CDK8: variants seen among roughly 807,000 people sequenced by gnomAD.
CDK8 encodes cyclin-dependent kinase 8.
A neutral mutation model predicts 71.5 loss-of-function variants in CDK8; 29 were observed. The ratio of observed to expected loss-of-function variants is 0.41; its 90% CI spans 0.30 to 0.55. The LOEUF is 0.55. Ranked by LOEUF, CDK8 falls within the 20% of genes least tolerant of loss-of-function variation. The pLI is 0.37. For missense variants in CDK8, 288 were observed against 572.6 expected (o/e 0.50, Z 5.07); for synonymous variants, 161 against 192.1 (o/e 0.84, Z 1.34).
At chr13:26,305,566 T>C (rs1484018216) in intron 1 of CDK8, among the ~76,000 whole-genome samples, 2 of 152,206 alleles carry the variant, frequency 1.3e-5, no homozygotes, top group Non-Finnish European at 2.9e-5. Flanking sequence ...CTCTCTCTTT[T>C]TGGGATTCAA....
At chr13:26,286,275 A>G (rs531633079) in intron 1 of CDK8, among the ~76,000 whole-genome samples, 2 of 152,380 alleles carry the variant, frequency 1.3e-5, no homozygotes, top group East Asian at 1.9e-4. Flanking sequence ...CTACAAGGCT[A>G]TAGTTACCAA....
intron 1 of CDK8, among the ~76,000 whole-genome samples, chr13:26,324,490 A>C (rs1476639778): frequency 6.6e-6 from 1 of 152,200 alleles, no homozygotes; most frequent in Non-Finnish European, 1.5e-5. Flanking sequence ...GTATAACATG[A>C]ACACTTCAGA....
chr13:26,376,323 C>A (rs766164636), intron 4 of CDK8, among the ~76,000 whole-genome samples: 2 of 152,072 alleles, frequency 1.3e-5, no homozygotes, highest in Non-Finnish European at 2.9e-5. Context: ...TGCATTTGGT[C>A]TCCTTGATGT....
At chr13:26,268,673 G>A (rs1490350856) in intron 1 of CDK8, among the ~76,000 whole-genome samples, 1 of 151,992 alleles carries the variant, frequency 6.6e-6, no homozygotes, top group East Asian at 1.9e-4. Flanking sequence ...AAAAAAACTC[G>A]AGAGCCATAT....
intron 6 of CDK8, among the ~76,000 whole-genome samples, 176 bp from the exon 7 acceptor site, chr13:26,393,184 GGTATTTA>G (rs1875830980): frequency 6.6e-6 from 1 of 151,740 alleles, no homozygotes; most frequent in South Asian, 2.1e-4. Flanking sequence ...AATGTTTCAT[GGTATTTA>G]GTAATTATAA....
chr13:26,402,471 A>C (rs547077343), intron 12 of CDK8, among the ~76,000 whole-genome samples: 78 of 152,132 alleles, frequency 5.1e-4, no homozygotes, highest in South Asian at 1.5e-3. Context: ...TTTACACACA[A>C]AAAAAAAGAG....
At chr13:26,299,297 C>T (rs1873710731) in intron 1 of CDK8, among the ~76,000 whole-genome samples, 1 of 152,092 alleles carries the variant, frequency 6.6e-6, no homozygotes, top group South Asian at 2.1e-4. Flanking sequence ...GTGAGTTAAC[C>T]ATGGAGATAT....
At chr13:26,393,221 A>T in intron 6 of CDK8, 146 bp from the exon 7 acceptor site, 1 of 569,230 alleles carries the variant, frequency 1.8e-6, no homozygotes. Context: ...AATTAATATG[A>T]GTTATTAGGG....
Position 26,254,863 on chromosome 13 carries a change from C to T in CDK8, c.128+94C>T, listed in dbSNP as rs145088095. ...GAGGGAGAGCGGGCCGCCGGGGTGC[C>T]GGGCTCTGACTTCCTCGACGCCGGC... is the stretch of plus-strand genomic sequence containing the variant. On this transcript the variant is annotated intron_variant, in intron 1 of 12. Transcript: ENST00000381527. The surrounding 1 kb of genome is among the most constrained non-coding windows in gnomAD (Gnocchi z 6.7). 2.3e-5 allele frequency: 35 copies of T among 1,519,890 alleles called. No individual in the cohort carries two copies. The African/African-American group carries it at 4.5e-4, about 20-fold the overall frequency. The allele number at this position is 1,519,890 out of a possible 1,614,324, so 94.2% of individuals were successfully genotyped here. A position where few individuals can be genotyped will look rare whatever the true frequency, so the allele number is the denominator to read the frequency against.
chr13:26,303,473 G>A (rs184147002), intron 1 of CDK8, among the ~76,000 whole-genome samples: 30 of 151,910 alleles, frequency 2.0e-4, no homozygotes. Flanking sequence ...GCTAATTTTT[G>A]TATTTTTTGG....
intron 1 of CDK8, among the ~76,000 whole-genome samples, chr13:26,292,226 G>C (rs866130452): frequency 6.6e-6 from 1 of 152,130 alleles, no homozygotes; most frequent in African/African-American, 2.4e-5. Context: ...ATCCAGGGGT[G>C]CAGGTGCCTT....
chr13:26,304,456 T>G (rs1332320145), intron 1 of CDK8, among the ~76,000 whole-genome samples: 1 of 152,144 alleles, frequency 6.6e-6, no homozygotes, highest in Admixed American at 6.5e-5. Context: ...TTGTGTATTA[T>G]TCTATCTTCC....
chr13:26,274,435 T>C (rs1872479159), intron 1 of CDK8, among the ~76,000 whole-genome samples: 1 of 151,896 alleles, frequency 6.6e-6, no homozygotes, highest in Non-Finnish European at 1.5e-5. Context: ...TTTTCTTTCT[T>C]TCTTTTTTTT....
intron 4 of CDK8, among the ~76,000 whole-genome samples, chr13:26,367,148 CT>C (rs536668538): frequency 2.0e-5 from 3 of 152,102 alleles, no homozygotes; most frequent in Non-Finnish European, 1.5e-5. Context: ...TTGGTCTTCT[CT>C]TTTTTCCCCC....
At chr13:26,385,088 G>T in intron 5 of CDK8, 123 bp from the exon 6 acceptor site, 1 of 733,790 alleles carries the variant, frequency 1.4e-6, no homozygotes, top group Non-Finnish European at 2.2e-6. Flanking sequence ...GATGTTTTGT[G>T]GGTTTCTTCC....
At chr13:26,285,420 AATAGTTGCAG>A (rs368589028) in intron 1 of CDK8, among the ~76,000 whole-genome samples, 52 of 152,368 alleles carry the variant, frequency 3.4e-4, no homozygotes, top group African/African-American at 1.2e-3. Flanking sequence ...AGATCGTATC[AATAGTTGCAG>A]AAAAAGCATT....
At chr13:26,296,703 A>G (rs1159172882) in intron 1 of CDK8, among the ~76,000 whole-genome samples, 1 of 152,198 alleles carries the variant, frequency 6.6e-6, no homozygotes, top group African/African-American at 2.4e-5. Context: ...AAGAGCATTT[A>G]TAACTTATCA....
chr13:26,393,166 C>G (rs1395837739), intron 6 of CDK8, among the ~76,000 whole-genome samples: 1 of 151,802 alleles, frequency 6.6e-6, no homozygotes, highest in Non-Finnish European at 1.5e-5. Context: ...GGAATATATA[C>G]TTATAATAAT....
chr13:26,275,967 A>G (rs549936290), intron 1 of CDK8, among the ~76,000 whole-genome samples: 252 of 152,176 alleles, frequency 1.7e-3, no homozygotes, highest in Non-Finnish European at 2.9e-3. Context: ...GGTTCAAGCA[A>G]TTCTTCTGCC....
Sources: allele counts gnomAD v4.1 joint callset (sites outside exome capture counted in the v4.1 genomes callset), GRCh38; gene constraint gnomAD v4.1.1; non-coding constraint Gnocchi (gnomAD v3.1); transcripts MANE v1.5; gene names NCBI Gene and HGNC (gene_info 2026-07-23, HGNC 2026-07-21).